The following DLG2 variants were observed in gnomAD, a reference collection of about 807,000 sequenced individuals.
The protein encoded by DLG2 is disks large homolog 2.
In DLG2, 45 loss-of-function variants were observed where a neutral mutation model predicts 132.5. The observed-to-expected ratio is 0.34, with a 90% CI of 0.27 to 0.44. The LOEUF (loss-of-function observed/expected upper bound fraction) is 0.44, where lower values mean the gene tolerates loss of function less well. Among genes scored for constraint, DLG2 ranks in the 20% least tolerant of loss-of-function variants. The pLI, the probability that DLG2 is intolerant of heterozygous loss-of-function variation, is 1.00. For missense variants in DLG2, 1,045 were observed against 1,196.9 expected, an observed-to-expected ratio of 0.87 and a Z score of 1.87; for synonymous variants, 424 against 419.6, an observed-to-expected ratio of 1.01 and a Z score of -0.13.
At position 84,207,079 on chromosome 11, in the gene DLG2, CTCTA is replaced by C. The variant is rs1175309778; in HGVS notation, c.574-43572_574-43569del. 2.4e-3 allele frequency among the ~76,000 whole-genome samples: 235 copies of C among 99,408 alleles called. 1 individual carries two copies. The highest frequency in any genetic ancestry group is 6.6e-3 in the African/African-American group (213 of 32,506). 65.2% of individuals were successfully genotyped at this position (99,408 alleles called of 152,430 possible). On this transcript the variant is annotated intron_variant, in intron 8 of 27. Coordinates refer to ENST00000376104, the MANE Select transcript of DLG2 (RefSeq NM_001142699.3). Reference sequence around the variant, plus strand: ...AATAAATCTCTCTCTCTCTCTCTCTCTCTATATATATATATGTATGTATATATGA... The same window carrying C: ...AATAAATCTCTCTCTCTCTCTCTCTCTATATATATATGTATGTATATATGA...
chr11:83,528,283 A>G (rs1045531157), intron 21 of DLG2, among the ~76,000 whole-genome samples: 3 of 152,188 alleles, frequency 2.0e-5, no homozygotes, highest in East Asian at 3.9e-4. Flanking sequence ...TCAAATGAAG[A>G]ACCTCAGATT....
At chr11:85,333,091 A>AT (rs1368605301) in intron 3 of DLG2, among the ~76,000 whole-genome samples, 1 of 152,010 alleles carries the variant, frequency 6.6e-6, no homozygotes, top group African/African-American at 2.4e-5. Flanking sequence ...GCATGGAATA[A>AT]TTTTCCATTT....
chr11:84,952,775 T>G (rs2051131991), intron 6 of DLG2, among the ~76,000 whole-genome samples: 2 of 152,214 alleles, frequency 1.3e-5, no homozygotes, highest in South Asian at 4.1e-4. Flanking sequence ...AGAACTACAT[T>G]GCTGAAAGGG....
chr11:84,021,544 T>A (rs2095394433), intron 11 of DLG2, among the ~76,000 whole-genome samples: 1 of 152,108 alleles, frequency 6.6e-6, no homozygotes, highest in Non-Finnish European at 1.5e-5. Flanking sequence ...TACTCCTCTC[T>A]GATATGCTTG....
At chr11:84,227,679 T>C (rs1302715195) in intron 8 of DLG2, among the ~76,000 whole-genome samples, 1 of 152,152 alleles carries the variant, frequency 6.6e-6, no homozygotes, top group Admixed American at 6.5e-5. Flanking sequence ...CCCAGCACTT[T>C]GGGAGGCCAA....
chr11:85,396,594 G>A (rs1275657737), intron 3 of DLG2, among the ~76,000 whole-genome samples: 1 of 152,092 alleles, frequency 6.6e-6, no homozygotes, highest in Non-Finnish European at 1.5e-5. Context: ...TGACCTGATG[G>A]AGGTGAAAAC....
intron 3 of DLG2, among the ~76,000 whole-genome samples, chr11:85,365,910 A>G (rs1311903163): frequency 6.6e-6 from 1 of 152,108 alleles, no homozygotes; most frequent in Non-Finnish European, 1.5e-5. Context: ...AGGGAGGAAA[A>G]TATCACACAA....
intron 3 of DLG2, among the ~76,000 whole-genome samples, chr11:85,445,906 C>T (rs1034933579): frequency 6.6e-5 from 10 of 152,140 alleles, no homozygotes; most frequent in Non-Finnish European, 1.5e-4. Context: ...TCACACATTG[C>T]TCTATATATT....
chr11:84,772,644 T>C (rs1260569657), intron 6 of DLG2, among the ~76,000 whole-genome samples: 1 of 152,034 alleles, frequency 6.6e-6, no homozygotes, highest in Non-Finnish European at 1.5e-5. Flanking sequence ...CAAGACGAAC[T>C]CTCAAGACCA....
intron 3 of DLG2, among the ~76,000 whole-genome samples, chr11:85,496,863 C>A (rs1204940264): frequency 6.6e-6 from 1 of 151,940 alleles, no homozygotes; most frequent in Admixed American, 6.6e-5. Flanking sequence ...AACTAACAAA[C>A]AGAAAGGAAT....
intron 6 of DLG2, among the ~76,000 whole-genome samples, chr11:84,553,640 C>T (rs77542620): frequency 0.055 from 8,428 of 152,112 alleles, 261 homozygotes; most frequent in African/African-American, 0.089. Flanking sequence ...CTAGAACTCA[C>T]GGAGGAGGAA....
chr11:84,147,180 G>A (rs961861062), intron 9 of DLG2, among the ~76,000 whole-genome samples: 4 of 151,590 alleles, frequency 2.6e-5, no homozygotes, highest in African/African-American at 9.7e-5. Flanking sequence ...CCAGAGGTTC[G>A]GATCCATTGG....
At chr11:85,090,232 C>G (rs2068544862) in intron 6 of DLG2, among the ~76,000 whole-genome samples, 1 of 152,148 alleles carries the variant, frequency 6.6e-6, no homozygotes, top group Non-Finnish European at 1.5e-5. Context: ...AACAAAAACA[C>G]TGTAGAGTGG....
chr11:83,652,899 C>G (rs1459798127), intron 18 of DLG2, among the ~76,000 whole-genome samples: 1 of 152,192 alleles, frequency 6.6e-6, no homozygotes, highest in African/African-American at 2.4e-5. Context: ...TACTAGCTCA[C>G]ACCTTCTAGG....
intron 4 of DLG2, among the ~76,000 whole-genome samples, chr11:85,195,293 G>A (rs974867824): frequency 6.6e-6 from 1 of 152,044 alleles, no homozygotes; most frequent in African/African-American, 2.4e-5. Context: ...GATGTTAATG[G>A]TGACTATATT....
intron 3 of DLG2, among the ~76,000 whole-genome samples, chr11:85,558,422 C>A (rs1200149117): frequency 6.6e-6 from 1 of 151,894 alleles, no homozygotes; most frequent in Non-Finnish European, 1.5e-5. Flanking sequence ...CCATTTGACC[C>A]AGCAATCCCA....
At chr11:84,441,124 T>C (rs2099016017) in intron 7 of DLG2, among the ~76,000 whole-genome samples, 1 of 142,172 alleles carries the variant, frequency 7.0e-6, no homozygotes, top group South Asian at 2.2e-4. Context: ...TAATGTCTGA[T>C]GTTAGTAAAT....
intron 10 of DLG2, among the ~76,000 whole-genome samples, chr11:84,086,824 T>C (rs1011047692): frequency 1.3e-5 from 2 of 152,146 alleles, no homozygotes; most frequent in African/African-American, 4.8e-5. Flanking sequence ...AGAAATCTTA[T>C]ATCTATTACT....
At chr11:85,612,541 A>G (rs191528918) in intron 2 of DLG2, among the ~76,000 whole-genome samples, 7 of 152,376 alleles carry the variant, frequency 4.6e-5, no homozygotes, top group Non-Finnish European at 8.8e-5. Flanking sequence ...AGCCATCTAT[A>G]CCAATTTTAA....
Sources: gnomAD v4.1 joint callset for allele counts (sites outside exome capture counted in the v4.1 genomes callset) on GRCh38, gnomAD v4.1.1 for gene constraint, MANE v1.5 for transcripts, NCBI Gene and HGNC (gene_info 2026-07-23, HGNC 2026-07-21) for gene names.